FAM219A: variants seen among roughly 807,000 people sequenced by gnomAD.
The protein encoded by FAM219A is family with sequence similarity 219 member A.
FAM219A carries 7 observed loss-of-function variants against 23.4 expected under a neutral mutation model. The observed-to-expected ratio is 0.30, with a 90% confidence interval of 0.17 to 0.56. FAM219A has a LOEUF of 0.56. FAM219A is among the 20% of genes least tolerant of loss of function. FAM219A has a pLI of 0.92. For synonymous variants in FAM219A, 93 were observed against 99.0 expected (o/e 0.94, Z 0.36); for missense variants, 166 against 246.9 (o/e 0.67, Z 2.20).
intron 1 of FAM219A, among the ~76,000 whole-genome samples, chr9:34,425,143 C>T (rs1282202372): frequency 6.6e-6 from 1 of 151,966 alleles, no homozygotes; most frequent in East Asian, 1.9e-4. Flanking sequence ...TATGCCTAGT[C>T]AAAACTTTCT....
At position 34,441,582 on chromosome 9, in the gene FAM219A, C is replaced by T. The variant is rs189030066; in HGVS notation, c.60+16622G>A. Among the ~76,000 whole-genome samples the T allele has an allele frequency of 7.5e-4, 114 of 152,214 alleles. 1 individual carries two copies. In the Middle Eastern group the frequency reaches 0.034, roughly 45 times the overall value. On this transcript the variant is annotated intron_variant, in intron 1 of 5. Coordinates refer to ENST00000651358, the MANE Select transcript of FAM219A (RefSeq NM_001184940.2). ...ACCTAAAGGAGAGAGGGCCCGAGACCAGGTGATACCTGTGGGGGTATGAAG... is the reference window on the plus strand; with the variant it reads ...ACCTAAAGGAGAGAGGGCCCGAGACTAGGTGATACCTGTGGGGGTATGAAG...
intron 1 of FAM219A, among the ~76,000 whole-genome samples, chr9:34,413,322 T>C (rs1310314697): frequency 1.3e-5 from 2 of 152,000 alleles, no homozygotes; most frequent in East Asian, 1.9e-4. Flanking sequence ...AGAGGAATAT[T>C]TGGTAGTTGG....
At chr9:34,435,964 C>T (rs1163775891) in intron 1 of FAM219A, among the ~76,000 whole-genome samples, 1 of 152,056 alleles carries the variant, frequency 6.6e-6, no homozygotes, top group Non-Finnish European at 1.5e-5. Context: ...CACCACCACA[C>T]CTGGCTCATT....
intron 1 of FAM219A, among the ~76,000 whole-genome samples, chr9:34,426,620 A>G (rs1190528102): frequency 6.6e-6 from 1 of 152,244 alleles, no homozygotes; most frequent in African/African-American, 2.4e-5. Context: ...CTGAAATCCA[A>G]GTATAAAATC....
At chr9:34,427,197 T>C (rs574816773) in intron 1 of FAM219A, among the ~76,000 whole-genome samples, 1 of 152,210 alleles carries the variant, frequency 6.6e-6, no homozygotes, top group South Asian at 2.1e-4. Flanking sequence ...TTTGAGACAG[T>C]GCCTTACTCA....
At chr9:34,438,009 C>G (rs899083707) in intron 1 of FAM219A, among the ~76,000 whole-genome samples, 1 of 152,182 alleles carries the variant, frequency 6.6e-6, no homozygotes, top group Non-Finnish European at 1.5e-5. Flanking sequence ...TGGCGGGCCC[C>G]GCACTCGGAG....
intron 1 of FAM219A, among the ~76,000 whole-genome samples, chr9:34,409,166 T>C (rs781587914): frequency 2.0e-5 from 3 of 152,222 alleles, no homozygotes; most frequent in Non-Finnish European, 2.9e-5. Context: ...AAGCCCACCA[T>C]TCAGCATCTC....
chr9:34,443,778 A>G (rs1255165639), intron 1 of FAM219A, among the ~76,000 whole-genome samples: 3 of 151,806 alleles, frequency 2.0e-5, no homozygotes, highest in Non-Finnish European at 1.5e-5. Context: ...CACCCCCTCA[A>G]GCATACTCAA....
At position 34,440,503 on chromosome 9, in the gene FAM219A, C is replaced by T. The variant is rs76458181; in HGVS notation, c.60+17701G>A. Among the ~76,000 whole-genome samples, 1,357 of 152,080 alleles carry T rather than the reference C, an allele frequency of 8.9e-3. 28 individuals are homozygous for T. Among genetic ancestry groups the T allele is most frequent in the African/African-American group, 0.03 (1,253 of 41,446 alleles). On this transcript the variant is annotated intron_variant, in intron 1 of 5. Coordinates refer to ENST00000651358, the MANE Select transcript of FAM219A (RefSeq NM_001184940.2). Reference sequence around the variant, plus strand: ...GGGGCAACACAGAAATGCCAAAGTACCAGAAGGTAGTGATGTGTTCCAGCC... The same window carrying T: ...GGGGCAACACAGAAATGCCAAAGTATCAGAAGGTAGTGATGTGTTCCAGCC...
At chr9:34,429,615 C>G in intron 1 of FAM219A, among the ~76,000 whole-genome samples, 1 of 152,140 alleles carries the variant, frequency 6.6e-6, no homozygotes, top group East Asian at 1.9e-4. Flanking sequence ...TTTAACTCTT[C>G]TCTGCTTGTG....
intron 1 of FAM219A, among the ~76,000 whole-genome samples, chr9:34,430,636 CAAAAAA>C (rs757627612): frequency 3.6e-5 from 2 of 56,272 alleles, no homozygotes; most frequent in African/African-American, 1.3e-4. Context: ...GACTCCGTCT[CAAAAAA>C]AAAAAAAAAA....
chr9:34,402,665 C>T (rs41274849), intron 3 of FAM219A, 40 bp downstream of exon 3: 252,117 of 1,607,200 alleles, frequency 0.16, 22,032 homozygotes, highest in Non-Finnish European at 0.18. Context: ...GAAATAGGTC[C>T]TGGCTGGCAG....
At chr9:34,402,277 G>C in intron 4 of FAM219A, 110 bp downstream of exon 4, 1 of 1,613,894 alleles carries the variant, frequency 6.2e-7, no homozygotes, top group Non-Finnish European at 8.5e-7. Context: ...AGAGATTCTG[G>C]CTGAAGAATA....
intron 2 of FAM219A, among the ~76,000 whole-genome samples, chr9:34,404,904 A>G (rs1361304506): frequency 6.6e-6 from 1 of 152,148 alleles, no homozygotes; most frequent in Non-Finnish European, 1.5e-5. Context: ...AAAAAATAGT[A>G]GTTGAATAAT....
In FAM219A at chr9:34,421,009, T is replaced by TGAGAGAGAGAGAGAGAGAGA. The variant is rs143749316; in HGVS notation, c.61-15065_61-15046dup. Among the ~76,000 whole-genome samples, 60 of 86,424 alleles carry TGAGAGAGAGAGAGAGAGAGA rather than the reference T, an allele frequency of 6.9e-4. 1 individual carries two copies. The highest frequency in any genetic ancestry group is 1.2e-3 in the Admixed American group (9 of 7,586). 56.7% of individuals were successfully genotyped at this position (86,424 alleles called of 152,430 possible). ...GTGTGTGTATGTGTGTGTGTGTGTG[T>TGAGAGAGAGAGAGAGAGAGA]GAGAGAGAGAGAGAGAGAGAGAGAG... On this transcript the variant is annotated intron_variant, in intron 1 of 5. Transcript: ENST00000651358.
chr9:34,410,564 C>T (rs866207770), intron 1 of FAM219A, among the ~76,000 whole-genome samples: 12 of 152,142 alleles, frequency 7.9e-5, no homozygotes, highest in African/African-American at 1.4e-4. Context: ...TTCAGATCCA[C>T]GAGCTTATCT....
Position 34,400,942 on chromosome 9 carries a change from G to T in FAM219A, c.*22C>A. On this transcript the variant is annotated 3_prime_UTR_variant, in exon 6 of 6. Coordinates refer to ENST00000651358, the MANE Select transcript of FAM219A (RefSeq NM_001184940.2). ...CCCGGCCCTTGGCGGCCCCGCCCCG[G>T]CGACCGCAGTGGCCCCGCCCGCTAC... 6.0e-6 allele frequency: 9 copies of T among 1,510,910 alleles called. No homozygotes were observed. Among genetic ancestry groups the T allele is most frequent in the Non-Finnish European group, 8.0e-6 (9 of 1,125,970 alleles). The allele number at this position is 1,510,910 out of a possible 1,614,324, so 93.6% of individuals were successfully genotyped here.
chr9:34,416,995 A>G (rs527433683), intron 1 of FAM219A, among the ~76,000 whole-genome samples: 1 of 150,944 alleles, frequency 6.6e-6, no homozygotes, highest in African/African-American at 2.4e-5. Flanking sequence ...ACCTAGCTTT[A>G]TCTTCTCCTT....
chr9:34,454,553 G>C (rs559447372), intron 1 of FAM219A, among the ~76,000 whole-genome samples: 7 of 152,192 alleles, frequency 4.6e-5, no homozygotes, highest in Non-Finnish European at 1.0e-4. Context: ...TGGTGTGATG[G>C]GGAAAGGAGG....
Sources: gnomAD v4.1 joint callset for allele counts (sites outside exome capture counted in the v4.1 genomes callset) on GRCh38, gnomAD v4.1.1 for gene constraint, MANE v1.5 for transcripts, NCBI Gene and HGNC (gene_info 2026-07-23, HGNC 2026-07-21) for gene names.